Variants in RERE observed in about 807,000 individuals in gnomAD.
The protein encoded by RERE is arginine-glutamic acid dipeptide repeats protein.
A neutral mutation model predicts 146.1 loss-of-function variants in RERE; 40 were observed. The ratio of observed to expected loss-of-function variants is 0.27; its 90% CI spans 0.21 to 0.36. RERE has a LOEUF of 0.36. RERE is among the 10% of genes least tolerant of loss of function. The probability of loss-of-function intolerance (pLI) is 1.00; values close to 1 mark genes in which losing one functional copy is unlikely to be tolerated. For missense variants in RERE, 1,933 were observed against 2,138.7 expected, an observed-to-expected ratio of 0.90 and a Z score of 1.90; for synonymous variants, 1,003 against 866.0, an observed-to-expected ratio of 1.16 and a Z score of -2.78.
chr1:8,453,111 T>A (rs1308498786), intron 11 of RERE, among the ~76,000 whole-genome samples: 2 of 152,206 alleles, frequency 1.3e-5, no homozygotes, highest in Non-Finnish European at 2.9e-5. Context: ...GAGCTGATTA[T>A]GAAGTCAGAG....
intron 1 of RERE, among the ~76,000 whole-genome samples, chr1:8,809,712 T>C (rs1489855254): frequency 3.3e-5 from 5 of 152,174 alleles, no homozygotes; most frequent in African/African-American, 1.2e-4. Context: ...CAATAAAATG[T>C]TTTTCAGAAT....
intron 4 of RERE, among the ~76,000 whole-genome samples, chr1:8,600,471 A>AT (rs1334217741): frequency 3.3e-5 from 5 of 152,236 alleles, no homozygotes; most frequent in African/African-American, 1.2e-4. Context: ...ATTGAAAATC[A>AT]TAATAATAGC....
chr1:8,558,823 C>G (rs1183648093), intron 4 of RERE, among the ~76,000 whole-genome samples: 1 of 145,274 alleles, frequency 6.9e-6, no homozygotes, highest in African/African-American at 2.6e-5. Flanking sequence ...TGAGAAGGAG[C>G]CTCACTGTGT....
chr1:8,777,582 TG>T (rs891301526), intron 1 of RERE, among the ~76,000 whole-genome samples: 71 of 150,334 alleles, frequency 4.7e-4, no homozygotes, highest in African/African-American at 1.6e-3. Flanking sequence ...TTGCCCAGGC[TG>T]GAGTGCAGTG....
chr1:8,530,479 A>C (rs1489584437), intron 7 of RERE, among the ~76,000 whole-genome samples: 2 of 152,120 alleles, frequency 1.3e-5, no homozygotes, highest in African/African-American at 4.8e-5. Flanking sequence ...TTCATTAACA[A>C]GAAACTTTAA....
At chr1:8,798,731 AC>A (rs1364277627) in intron 1 of RERE, 2 of 151,068 alleles carry the variant, frequency 1.3e-5, no homozygotes, top group African/African-American at 4.9e-5. Flanking sequence ...TTGCTCTGTC[AC>A]CCAGGCTGGA....
intron 1 of RERE, among the ~76,000 whole-genome samples, chr1:8,669,746 A>G (rs978919069): frequency 6.6e-5 from 10 of 152,216 alleles, no homozygotes; most frequent in Non-Finnish European, 1.3e-4. Flanking sequence ...TCTGTATAGC[A>G]TGTTCAAAAG....
chr1:8,731,743 A>G (rs1640089056), intron 1 of RERE, among the ~76,000 whole-genome samples: 1 of 151,994 alleles, frequency 6.6e-6, no homozygotes, highest in South Asian at 2.1e-4. Context: ...CATGAAGCAC[A>G]GTATGGCATT....
intron 12 of RERE, among the ~76,000 whole-genome samples, chr1:8,391,133 T>G (rs1181664374): frequency 1.3e-5 from 2 of 152,158 alleles, no homozygotes; most frequent in African/African-American, 4.8e-5. Flanking sequence ...CTGATGTTAC[T>G]TCCCTGTTTG....
At chr1:8,521,967 T>C (rs762827581) in intron 7 of RERE, among the ~76,000 whole-genome samples, 1 of 152,244 alleles carries the variant, frequency 6.6e-6, no homozygotes, top group South Asian at 2.1e-4. Flanking sequence ...AGAAGTTTGA[T>C]AGAAATAATC....
chr1:8,598,419 G>T (rs1252250727), intron 4 of RERE, among the ~76,000 whole-genome samples: 1 of 152,180 alleles, frequency 6.6e-6, no homozygotes, highest in Non-Finnish European at 1.5e-5. Flanking sequence ...CAGAAGCAAC[G>T]TCACGGAGCT....
chr1:8,737,964 T>TTA (rs1481915879), intron 1 of RERE, among the ~76,000 whole-genome samples: 4 of 152,200 alleles, frequency 2.6e-5, no homozygotes, highest in African/African-American at 9.7e-5. Flanking sequence ...ATAAATCTAG[T>TTA]TATGAGAACA....
intron 1 of RERE, among the ~76,000 whole-genome samples, chr1:8,679,017 T>C (rs1310524410): frequency 6.6e-6 from 1 of 152,216 alleles, no homozygotes; most frequent in Non-Finnish European, 1.5e-5. Context: ...TAGCCACATT[T>C]CAGGTGCTTA....
chr1:8,736,851 G>GAAAAAAAAAAAA (rs34872965), intron 1 of RERE, among the ~76,000 whole-genome samples: 4 of 99,794 alleles, frequency 4.0e-5, no homozygotes, highest in Non-Finnish European at 6.0e-5. Flanking sequence ...AAGCAAGGGG[G>GAAAAAAAAAAAA]AAAAAAAAAA....
At chr1:8,482,801 C>T (rs115608833) in intron 10 of RERE, among the ~76,000 whole-genome samples, 2,056 of 151,458 alleles carry the variant, frequency 0.014, 45 homozygotes, top group African/African-American at 0.048. Flanking sequence ...GGAAGCCACA[C>T]AGGTGAACAC....
At chr1:8,368,963 A>G (rs995432442) in intron 12 of RERE, among the ~76,000 whole-genome samples, 1 of 151,962 alleles carries the variant, frequency 6.6e-6, no homozygotes, top group Non-Finnish European at 1.5e-5. Flanking sequence ...TACTTGGGAG[A>G]TCAAGGCAGG....
intron 1 of RERE, among the ~76,000 whole-genome samples, chr1:8,800,034 G>A (rs771944750): frequency 2.0e-5 from 3 of 151,772 alleles, no homozygotes; most frequent in East Asian, 1.9e-4. Context: ...GACTGGTCTC[G>A]AACTCCTGAC....
At chr1:8,760,024 AGTTTT>A (rs973950770) in intron 1 of RERE, among the ~76,000 whole-genome samples, 1 of 151,900 alleles carries the variant, frequency 6.6e-6, no homozygotes. Context: ...AGTTTAGTTT[AGTTTT>A]GTTTTGTTTT....
rs1276347255 is a variant in RERE at position 8,648,570 on chromosome 1, A to G, written c.325+7403T>C. Among the ~76,000 whole-genome samples, 25 of 152,172 alleles carry G rather than the reference A, an allele frequency of 1.6e-4. 1 individual carries two copies. The highest frequency in any genetic ancestry group is 1.4e-3 in the Admixed American group (22 of 15,270). ...TTTAAATAGGTTTTAGAAATAACGT[A>G]TATTCCATTTTTATTCAAACTAGAT... On this transcript the variant is annotated intron_variant, in intron 2 of 22. Transcript: ENST00000400908.
Sources: allele counts gnomAD v4.1 joint callset (sites outside exome capture counted in the v4.1 genomes callset), GRCh38; gene constraint gnomAD v4.1.1; transcripts MANE v1.5; gene names NCBI Gene and HGNC (gene_info 2026-07-23, HGNC 2026-07-21).